Variants in THSD4 observed in about 807,000 individuals in gnomAD.
THSD4 encodes thrombospondin type-1 domain-containing protein 4.
In THSD4, 69 loss-of-function variants were observed where a neutral mutation model predicts 119.0. The observed-to-expected ratio is 0.58, with a 90% CI of 0.48 to 0.71. The LOEUF (loss-of-function observed/expected upper bound fraction) is 0.71, where lower values mean the gene tolerates loss of function less well. Among genes scored for constraint, THSD4 ranks in the 30% least tolerant of loss-of-function variants. THSD4 has a pLI of 0.00. For missense variants in THSD4, 1,393 were observed against 1,391.1 expected (o/e 1.00, Z -0.02); for synonymous variants, 524 against 540.4 (o/e 0.97, Z 0.42).
chr15:71,224,391 A>G (rs922014484), intron 4 of THSD4, among the ~76,000 whole-genome samples: 1 of 152,178 alleles, frequency 6.6e-6, no homozygotes, highest in Non-Finnish European at 1.5e-5. Context: ...GATGATGTAT[A>G]CAGTGTAAAG....
At chr15:71,142,117 G>A (rs2040610562) in intron 2 of THSD4, among the ~76,000 whole-genome samples, 1 of 151,878 alleles carries the variant, frequency 6.6e-6, no homozygotes, top group Non-Finnish European at 1.5e-5. Flanking sequence ...TGGTTGCAAC[G>A]CCATAGATTT....
At chr15:71,541,189 T>A (rs2048755140) in intron 7 of THSD4, among the ~76,000 whole-genome samples, 1 of 152,226 alleles carries the variant, frequency 6.6e-6, no homozygotes, top group Non-Finnish European at 1.5e-5. Context: ...TATATTTTTT[T>A]AACCCAACAT....
intron 6 of THSD4, chr15:71,348,595 C>T (rs1464784124): frequency 3.9e-5 from 6 of 152,118 alleles, no homozygotes; most frequent in African/African-American, 7.2e-5. Flanking sequence ...GTTCAGAGCC[C>T]GATTGAGCTA....
chr15:71,135,217 TG>T (rs1176908966), intron 1 of THSD4, among the ~76,000 whole-genome samples: 24 of 51,088 alleles, frequency 4.7e-4, no homozygotes, highest in African/African-American at 2.1e-3. Context: ...GGGACTGTGG[TG>T]GGGTGGGGGT....
At chr15:71,497,562 T>C (rs915708352) in intron 7 of THSD4, among the ~76,000 whole-genome samples, 8 of 152,040 alleles carry the variant, frequency 5.3e-5, no homozygotes, top group Admixed American at 5.2e-4. Context: ...TATATACACA[T>C]ACATATAAAT....
chr15:71,298,254 C>T (rs535269940), intron 6 of THSD4, among the ~76,000 whole-genome samples: 2 of 152,248 alleles, frequency 1.3e-5, no homozygotes, highest in African/African-American at 4.8e-5. Context: ...ATCATAGATA[C>T]AAGGATTTCT....
chr15:71,777,266 C>T lies in THSD4; in HGVS notation c.2949C>T (p.Asn983=), dbSNP rs770545390. ...ENCKDKYYNC[N]VVVQARLCVY... Reference sequence around the variant, plus strand: ...GCAAGGACAAGTACTACAACTGCAACGTGGTGGTCCAGGCAAGACTCTGTG... The same window carrying T: ...GCAAGGACAAGTACTACAACTGCAATGTGGTGGTCCAGGCAAGACTCTGTG... The change falls in exon 18 of 18, where the codon AAC becomes AAT. Residue 983 remains asparagine, a synonymous_variant. Coordinates refer to ENST00000261862, the MANE Select transcript of THSD4 (RefSeq NM_024817.3). 57 of 1,614,120 alleles carry T rather than the reference C, an allele frequency of 3.5e-5. No homozygotes were observed. The highest frequency in any genetic ancestry group is 1.8e-4 in the Admixed American group (11 of 60,012).
At chr15:71,380,730 G>A (rs1440905702) in intron 6 of THSD4, among the ~76,000 whole-genome samples, 1 of 152,076 alleles carries the variant, frequency 6.6e-6, no homozygotes, top group Non-Finnish European at 1.5e-5. Context: ...ATCCATCTTG[G>A]TAGTGAGCCT....
At chr15:71,452,858 G>A (rs1006524023) in intron 7 of THSD4, among the ~76,000 whole-genome samples, 3 of 152,150 alleles carry the variant, frequency 2.0e-5, no homozygotes, top group Admixed American at 6.5e-5. Flanking sequence ...CAGGTGATCT[G>A]CCTGCCTTGG....
intron 7 of THSD4, among the ~76,000 whole-genome samples, chr15:71,413,734 G>A (rs1301343144): frequency 6.6e-6 from 1 of 152,216 alleles, no homozygotes; most frequent in African/African-American, 2.4e-5. Flanking sequence ...GAAAGAATTA[G>A]GATGCGGTAC....
intron 7 of THSD4, among the ~76,000 whole-genome samples, chr15:71,413,076 A>C (rs2046711444): frequency 6.6e-6 from 1 of 152,140 alleles, no homozygotes; most frequent in Non-Finnish European, 1.5e-5. Context: ...CAGTGGCACA[A>C]TCTCAGCTCA....
intron 11 of THSD4, among the ~76,000 whole-genome samples, chr15:71,741,140 C>T (rs187067753): frequency 3.1e-4 from 47 of 152,300 alleles, no homozygotes; most frequent in Non-Finnish European, 2.1e-4. Flanking sequence ...AAGTCTATTA[C>T]TGCCTTTTCC....
chr15:71,139,902 G>A (rs898486286), intron 1 of THSD4, among the ~76,000 whole-genome samples: 1 of 152,246 alleles, frequency 6.6e-6, no homozygotes, highest in African/African-American at 2.4e-5. Flanking sequence ...CAGGAGAGGA[G>A]ACTGGGCCAT....
At chr15:71,380,150 G>T (rs1161210206) in intron 6 of THSD4, among the ~76,000 whole-genome samples, 2 of 152,132 alleles carry the variant, frequency 1.3e-5, no homozygotes, top group African/African-American at 4.8e-5. Flanking sequence ...GTTGGTTGCA[G>T]TTATGTAAGG....
At chr15:71,675,178 G>C (rs2051616045) in intron 8 of THSD4, among the ~76,000 whole-genome samples, 1 of 152,068 alleles carries the variant, frequency 6.6e-6, no homozygotes, top group African/African-American at 2.4e-5. Context: ...AACAACAGAA[G>C]TACCATCTTA....
intron 6 of THSD4, among the ~76,000 whole-genome samples, chr15:71,313,086 G>GT (rs1442385008): frequency 2.0e-5 from 3 of 152,052 alleles, no homozygotes; most frequent in South Asian, 2.1e-4. Context: ...TAAAATTAAG[G>GT]TTTTTTTCCT....
At chr15:71,663,717 C>T (rs1315984481) in intron 8 of THSD4, among the ~76,000 whole-genome samples, 2 of 152,110 alleles carry the variant, frequency 1.3e-5, no homozygotes, top group African/African-American at 2.4e-5. Context: ...TTGAACTCTT[C>T]GACGGCTATT....
chr15:71,643,924 A>G (rs1567078817), intron 7 of THSD4, among the ~76,000 whole-genome samples: 1 of 152,252 alleles, frequency 6.6e-6, no homozygotes, highest in Non-Finnish European at 1.5e-5. Context: ...GAGTTAATGC[A>G]GAGATGTCTG....
chr15:71,263,331 G>GTGTA (rs1555458973), intron 6 of THSD4, among the ~76,000 whole-genome samples: 2 of 138,842 alleles, frequency 1.4e-5, no homozygotes, highest in Admixed American at 7.3e-5. Context: ...GTATTCCATG[G>GTGTA]TATATATATA....
Sources: gnomAD v4.1 joint callset for allele counts (sites outside exome capture counted in the v4.1 genomes callset) on GRCh38, gnomAD v4.1.1 for gene constraint, MANE v1.5 for transcripts, NCBI Gene and HGNC (gene_info 2026-07-23, HGNC 2026-07-21) for gene names.